Variants in SAMD12 observed in about 807,000 individuals in gnomAD.
SAMD12 encodes the protein sterile alpha motif domain-containing protein 12.
SAMD12 carries 9 observed loss-of-function variants against 15.0 expected under a neutral mutation model. The ratio of observed to expected loss-of-function variants is 0.60; its 90% confidence interval spans 0.36 to 1.05. The LOEUF is 1.05. SAMD12 is among the 50% of genes least tolerant of loss of function. The probability of loss-of-function intolerance (pLI) is 0.01; values close to 1 mark genes in which losing one functional copy is unlikely to be tolerated. For synonymous variants in SAMD12, 86 were observed against 90.1 expected, an observed-to-expected ratio of 0.96 and a Z score of 0.25; for missense variants, 230 against 234.2, an observed-to-expected ratio of 0.98 and a Z score of 0.12.
chr8:118,139,063 C>T, the SAMD12 span, among the ~76,000 whole-genome samples: 16 of 151,928 alleles, frequency 1.1e-4, no homozygotes, highest in Non-Finnish European at 4.4e-5. Context: ...GATACAAGAC[C>T]AAGTGGAGGC....
the SAMD12 span, among the ~76,000 whole-genome samples, chr8:118,151,979 A>G: frequency 8.5e-5 from 13 of 152,182 alleles, no homozygotes; most frequent in African/African-American, 3.1e-4. Context: ...ACCTTAAGGC[A>G]TCTGACCTAC....
At chr8:118,261,969 T>A (rs1190485891) in intron 4 of SAMD12, among the ~76,000 whole-genome samples, 1 of 151,968 alleles carries the variant, frequency 6.6e-6, no homozygotes, top group Non-Finnish European at 1.5e-5. Flanking sequence ...AAATGTGGTA[T>A]ATATACATAA....
At chr8:118,277,086 A>G (rs1483606406) in intron 4 of SAMD12, among the ~76,000 whole-genome samples, 3 of 152,162 alleles carry the variant, frequency 2.0e-5, no homozygotes, top group Non-Finnish European at 4.4e-5. Context: ...ATGACAAACA[A>G]GCAGTCTGTG....
At chr8:118,367,650 G>A (rs1295918718) in intron 4 of SAMD12, among the ~76,000 whole-genome samples, 1 of 152,050 alleles carries the variant, frequency 6.6e-6, no homozygotes, top group Non-Finnish European at 1.5e-5. Flanking sequence ...AGTTCTGCAG[G>A]GGCAGACATG....
At chr8:118,570,066 G>A (rs1276737099) in intron 2 of SAMD12, among the ~76,000 whole-genome samples, 3 of 152,158 alleles carry the variant, frequency 2.0e-5, no homozygotes, top group African/African-American at 7.2e-5. Context: ...TCAGGGAGAT[G>A]GGGCAGAAAT....
At chr8:118,292,208 T>C (rs1480467047) in intron 4 of SAMD12, among the ~76,000 whole-genome samples, 1 of 151,022 alleles carries the variant, frequency 6.6e-6, no homozygotes, top group Non-Finnish European at 1.5e-5. Flanking sequence ...ACTGCTTGGG[T>C]GATGGGTGCA....
chr8:118,172,760 T>C, the SAMD12 span, among the ~76,000 whole-genome samples: 2 of 152,210 alleles, frequency 1.3e-5, no homozygotes, highest in Admixed American at 6.5e-5. Context: ...TTTTTTGTGA[T>C]AAGAGCACCT....
chr8:118,514,352 G>T (rs1825170202), intron 2 of SAMD12, among the ~76,000 whole-genome samples: 1 of 152,154 alleles, frequency 6.6e-6, no homozygotes, highest in African/African-American at 2.4e-5. Flanking sequence ...TTTCAGATCA[G>T]CTTTACAGCA....
chr8:118,234,692 C>T (rs1812388503), intron 4 of SAMD12, among the ~76,000 whole-genome samples: 1 of 102,558 alleles, frequency 9.8e-6, no homozygotes, highest in Non-Finnish European at 1.8e-5. Context: ...ACCTAGGTGA[C>T]AGAGTAAGAC....
chr8:118,438,754 T>C (rs556289887), intron 3 of SAMD12, among the ~76,000 whole-genome samples: 1 of 152,250 alleles, frequency 6.6e-6, no homozygotes, highest in South Asian at 2.1e-4. Context: ...TGACAGAAAG[T>C]GTGGGTTTGG....
intron 4 of SAMD12, among the ~76,000 whole-genome samples, chr8:118,351,148 T>C (rs1817944651): frequency 1.3e-5 from 2 of 152,222 alleles, no homozygotes; most frequent in South Asian, 4.1e-4. Context: ...AAAAAGATGC[T>C]TACTTTGGCA....
At chr8:118,553,188 G>A (rs1380492190) in intron 2 of SAMD12, among the ~76,000 whole-genome samples, 5 of 151,962 alleles carry the variant, frequency 3.3e-5, no homozygotes, top group African/African-American at 1.2e-4. Flanking sequence ...CTACTTTAAA[G>A]TTCATATGGA....
chr8:118,278,221 T>C (rs1156966968), intron 4 of SAMD12, among the ~76,000 whole-genome samples: 1 of 152,222 alleles, frequency 6.6e-6, no homozygotes, highest in Non-Finnish European at 1.5e-5. Flanking sequence ...TTGGTTCACA[T>C]AGTAAATCTC....
At chr8:118,544,857 C>T (rs1357635186) in intron 2 of SAMD12, among the ~76,000 whole-genome samples, 3 of 152,182 alleles carry the variant, frequency 2.0e-5, no homozygotes, top group Non-Finnish European at 4.4e-5. Context: ...TGTTAGTTTT[C>T]TTGAGAACAT....
chr8:118,425,467 G>T (rs11991196), intron 3 of SAMD12, among the ~76,000 whole-genome samples: 81,495 of 152,006 alleles, frequency 0.54, 24,104 homozygotes, highest in Non-Finnish European at 0.65. Context: ...CTTGAGCCCA[G>T]GAGTTCAAGA....
At chr8:118,566,156 T>C (rs941017555) in intron 2 of SAMD12, among the ~76,000 whole-genome samples, 2 of 152,218 alleles carry the variant, frequency 1.3e-5, no homozygotes, top group Non-Finnish European at 2.9e-5. Flanking sequence ...AATATCATTC[T>C]GAGCCATCTG....
intron 3 of SAMD12, among the ~76,000 whole-genome samples, chr8:118,422,623 G>C (rs1822049939): frequency 6.6e-6 from 1 of 152,156 alleles, no homozygotes; most frequent in Non-Finnish European, 1.5e-5. Flanking sequence ...TATTCAGTAG[G>C]CATTAATTCT....
At chr8:118,436,695 C>T (rs145891596) in intron 3 of SAMD12, among the ~76,000 whole-genome samples, 1 of 152,288 alleles carries the variant, frequency 6.6e-6, no homozygotes, top group African/African-American at 2.4e-5. Flanking sequence ...AGGATATTTA[C>T]CAGCCCAGAA....
chr8:118,175,034 CAAAAAA>C, the SAMD12 span, among the ~76,000 whole-genome samples: 1 of 78,810 alleles, frequency 1.3e-5, no homozygotes, highest in African/African-American at 3.7e-5. Flanking sequence ...CAAAAAAAAA[CAAAAAA>C]AAAAAAACAA....
Sources: allele counts gnomAD v4.1 joint callset (sites outside exome capture counted in the v4.1 genomes callset), GRCh38; gene constraint gnomAD v4.1.1; transcripts MANE v1.5; gene names NCBI Gene and HGNC (gene_info 2026-07-23, HGNC 2026-07-21).